The following PTER variants were observed in gnomAD, a reference collection of about 807,000 sequenced individuals.
PTER encodes the protein N-acetyltaurine hydrolase.
Under a neutral mutation model 29.6 loss-of-function variants are expected in PTER, and 38 were observed. The observed-to-expected ratio is 1.28, with a 90% CI of 0.99 to 1.68. The LOEUF (loss-of-function observed/expected upper bound fraction) is 1.68. Among genes scored for constraint, PTER ranks in the 40% most tolerant of loss-of-function variants. The pLI is 0.00. For synonymous variants in PTER, 172 were observed against 154.5 expected, an observed-to-expected ratio of 1.11 and a Z score of -0.84; for missense variants, 482 against 427.8, an observed-to-expected ratio of 1.13 and a Z score of -1.12.
intron 3 of PTER, among the ~76,000 whole-genome samples, chr10:16,493,388 A>G (rs1835975396): frequency 6.6e-6 from 1 of 152,280 alleles, no homozygotes; most frequent in East Asian, 1.9e-4. Flanking sequence ...CTAGAATCCT[A>G]TGAATATGAC....
At chr10:16,495,168 CTT>C (rs3047217) in intron 3 of PTER, among the ~76,000 whole-genome samples, 12 of 132,196 alleles carry the variant, frequency 9.1e-5, no homozygotes, top group East Asian at 2.2e-4. Context: ...TTTGGAATTA[CTT>C]TTTTTTTTTT....
At chr10:16,505,925 A>G (rs1836543195) in intron 4 of PTER, among the ~76,000 whole-genome samples, 1 of 152,192 alleles carries the variant, frequency 6.6e-6, no homozygotes, top group African/African-American at 2.4e-5. Flanking sequence ...AATGAATGAC[A>G]TCACTCAGAG....
chr10:16,515,577 A>G (rs2133537041), downstream of PTER, among the ~76,000 whole-genome samples: 1 of 152,292 alleles, frequency 6.6e-6, no homozygotes, highest in African/African-American at 2.4e-5. Context: ...GCTGCTTATA[A>G]TCTGCCCATG....
intron 1 of PTER, among the ~76,000 whole-genome samples, chr10:16,439,356 A>T (rs1181506261): frequency 1.3e-5 from 2 of 152,196 alleles, no homozygotes; most frequent in African/African-American, 2.4e-5. Context: ...TCTGAAAAAA[A>T]ATGCAATTTA....
At chr10:16,514,712 G>T, downstream of PTER, 1 of 1,600,640 alleles carries the variant, frequency 6.2e-7, no homozygotes, top group Non-Finnish European at 8.5e-7. Flanking sequence ...ACGCACCTAT[G>T]TGAAACAGAC....
chr10:16,458,499 C>T (rs374625722), intron 1 of PTER, among the ~76,000 whole-genome samples: 21 of 152,278 alleles, frequency 1.4e-4, no homozygotes, highest in African/African-American at 5.1e-4. Flanking sequence ...TATAATGACA[C>T]AATAACTTAG....
At position 16,489,260 on chromosome 10, in the gene PTER, G is replaced by A. The variant is rs144508469; in HGVS notation, c.698+2643G>A. On this transcript the variant is annotated intron_variant, in intron 3 of 4. Transcript: ENST00000535784. ...ACATGGTTTTTCTGTTACCTATTAA[G>A]TTCTAGTTGGTTACTTTTCAAATCT... is the stretch of plus-strand genomic sequence containing the variant. 9.2e-5 allele frequency among the ~76,000 whole-genome samples: 14 copies of A among 152,158 alleles called. No individual in the cohort carries two copies. In the East Asian group the frequency reaches 1.4e-3, roughly 15 times the overall value.
chr10:16,442,752 G>T (rs1001697159), intron 1 of PTER, among the ~76,000 whole-genome samples: 1 of 152,194 alleles, frequency 6.6e-6, no homozygotes, highest in Non-Finnish European at 1.5e-5. Flanking sequence ...GACCAAGGCA[G>T]GCGGACCACT....
chr10:16,465,348 G>C (rs942768137), intron 1 of PTER, among the ~76,000 whole-genome samples: 8 of 152,178 alleles, frequency 5.3e-5, no homozygotes, highest in African/African-American at 1.9e-4. Context: ...GTTGAAGTTA[G>C]TAGATCCTCA....
At chr10:16,489,693 C>T (rs1350033104) in intron 3 of PTER, among the ~76,000 whole-genome samples, 4 of 152,092 alleles carry the variant, frequency 2.6e-5, no homozygotes, top group Non-Finnish European at 5.9e-5. Flanking sequence ...TTGAAATGTA[C>T]AGTTCAGTAA....
intron 1 of PTER, among the ~76,000 whole-genome samples, chr10:16,442,540 C>T (rs967375312): frequency 1.3e-5 from 2 of 152,154 alleles, no homozygotes; most frequent in African/African-American, 2.4e-5. Context: ...GAGGCCAAGG[C>T]GGGAGGATTG....
intron 1 of PTER, among the ~76,000 whole-genome samples, chr10:16,439,682 G>A (rs1564381250): frequency 6.6e-6 from 1 of 152,162 alleles, no homozygotes; most frequent in African/African-American, 2.4e-5. Context: ...CATTCATACA[G>A]GAGGAATGTT....
At chr10:16,479,465 G>A (rs559558473) in intron 1 of PTER, among the ~76,000 whole-genome samples, 1 of 151,678 alleles carries the variant, frequency 6.6e-6, no homozygotes, top group South Asian at 2.1e-4. Flanking sequence ...TATGCACAAT[G>A]GAAGTATTCA....
At chr10:16,464,885 T>TGG (rs1564391950) in intron 1 of PTER, among the ~76,000 whole-genome samples, 2 of 152,192 alleles carry the variant, frequency 1.3e-5, no homozygotes, top group East Asian at 3.8e-4. Context: ...TCCACATGGC[T>TGG]GGGGAGGCCT....
At chr10:16,481,633 T>G (rs1835484003) in intron 1 of PTER, among the ~76,000 whole-genome samples, 1 of 151,998 alleles carries the variant, frequency 6.6e-6, no homozygotes, top group Admixed American at 6.5e-5. Context: ...CCAGAAGGGA[T>G]GACATTTCTT....
intron 1 of PTER, among the ~76,000 whole-genome samples, chr10:16,446,841 T>A (rs1249621723): frequency 6.6e-6 from 1 of 152,058 alleles, no homozygotes; most frequent in Non-Finnish European, 1.5e-5. Context: ...TCGGCGAGAG[T>A]GCATTGGTGC....
At chr10:16,494,102 G>A (rs961943578) in intron 3 of PTER, among the ~76,000 whole-genome samples, 8 of 152,060 alleles carry the variant, frequency 5.3e-5, no homozygotes, top group African/African-American at 7.2e-5. Flanking sequence ...CCTCAATACC[G>A]TCATTCCCTG....
intron 1 of PTER, among the ~76,000 whole-genome samples, chr10:16,474,635 C>T (rs751379372): frequency 2.0e-5 from 3 of 152,048 alleles, no homozygotes; most frequent in Admixed American, 1.3e-4. Context: ...CAACTGTAAT[C>T]CCAGCAGTTT....
intron 1 of PTER, among the ~76,000 whole-genome samples, chr10:16,473,519 G>GAAAA (rs72001271): frequency 1.1e-4 from 3 of 28,168 alleles, no homozygotes; most frequent in African/African-American, 2.9e-4. Context: ...GACTCCATCC[G>GAAAA]AAAAAAAAAA....
Sources: allele counts gnomAD v4.1 joint callset (sites outside exome capture counted in the v4.1 genomes callset), GRCh38; gene constraint gnomAD v4.1.1; transcripts MANE v1.5; gene names NCBI Gene and HGNC (gene_info 2026-07-23, HGNC 2026-07-21).